The following OVCH1 variants were observed in gnomAD, a reference collection of about 807,000 sequenced individuals.
The protein encoded by OVCH1 is ovochymase-1.
In OVCH1, 139 loss-of-function variants were observed where a neutral mutation model predicts 138.4. The observed-to-expected ratio is 1.00, with a 90% confidence interval of 0.87 to 1.16. The LOEUF (loss-of-function observed/expected upper bound fraction) is 1.16. Ranked by LOEUF, OVCH1 falls within the 50% of genes most tolerant of loss-of-function variation. The pLI is 0.00. For synonymous variants in OVCH1, 453 were observed against 467.8 expected, an observed-to-expected ratio of 0.97 and a Z score of 0.41; for missense variants, 1,367 against 1,357.9, an observed-to-expected ratio of 1.01 and a Z score of -0.11.
chr12:29,446,238 G>T (rs1391826330), intron 22 of OVCH1, among the ~76,000 whole-genome samples: 11 of 152,044 alleles, frequency 7.2e-5, no homozygotes, highest in Non-Finnish European at 1.6e-4. Flanking sequence ...TCCATAGTAG[G>T]TTCTTCACAA....
chr12:29,494,282 G>T (rs1476531011), intron 4 of OVCH1, among the ~76,000 whole-genome samples: 1 of 152,082 alleles, frequency 6.6e-6, no homozygotes, highest in Non-Finnish European at 1.5e-5. Context: ...TAAGGGCAGT[G>T]GCCTGGCTAA....
exon 24 of OVCH1, chr12:29,444,251 A>G (rs780365079): frequency 1.9e-6 from 3 of 1,611,290 alleles, no homozygotes; most frequent in Admixed American, 1.7e-5. Flanking sequence ...GAACTTTGGG[A>G]AAGTCTGGTT....
chr12:29,417,760 A>AGTGTGT (rs55835508), intron 3 of OVCH1, among the ~76,000 whole-genome samples: 1 of 149,688 alleles, frequency 6.7e-6, no homozygotes, highest in African/African-American at 2.5e-5. Context: ...CTGGCCTACA[A>AGTGTGT]GTGTGTGTGT....
At chr12:29,432,129 T>C (rs990039639) in intron 27 of OVCH1, among the ~76,000 whole-genome samples, 2 of 152,164 alleles carry the variant, frequency 1.3e-5, no homozygotes, top group African/African-American at 4.8e-5. Flanking sequence ...CTGGGAAAAG[T>C]AGCAGGGGAA....
chr12:29,493,133 C>A (rs1211026038), intron 4 of OVCH1, among the ~76,000 whole-genome samples: 1 of 152,080 alleles, frequency 6.6e-6, no homozygotes, highest in South Asian at 2.1e-4. Context: ...ATTGACATAA[C>A]TAGTATAGAT....
At chr12:29,487,490 T>G (rs2136074761) in intron 7 of OVCH1, 1 of 463,468 alleles carries the variant, frequency 2.2e-6, no homozygotes, top group Non-Finnish European at 3.7e-6. Context: ...TCATGAAAAT[T>G]TTATACAGGG....
At chr12:29,494,871 G>A (rs369707384) in intron 4 of OVCH1, among the ~76,000 whole-genome samples, 1 of 152,138 alleles carries the variant, frequency 6.6e-6, no homozygotes, top group Middle Eastern at 3.2e-3. Context: ...TATACACTTA[G>A]AAGAGGTAAG....
At chr12:29,409,633 A>C (rs1457421460), downstream of OVCH1, among the ~76,000 whole-genome samples, 1 of 152,112 alleles carries the variant, frequency 6.6e-6, no homozygotes, top group Non-Finnish European at 1.5e-5. Context: ...TGAGTTTCTT[A>C]ATCCTGAGTT....
At chr12:29,447,264 T>A (rs910385847) in intron 22 of OVCH1, among the ~76,000 whole-genome samples, 6 of 152,034 alleles carry the variant, frequency 3.9e-5, no homozygotes, top group African/African-American at 1.4e-4. Context: ...GAGACCAGCC[T>A]GGGCAAAATA....
chr12:29,419,654 A>G (rs971833140), intron 3 of OVCH1, among the ~76,000 whole-genome samples: 1 of 152,102 alleles, frequency 6.6e-6, no homozygotes, highest in African/African-American at 2.4e-5. Flanking sequence ...GCATTATTAC[A>G]ATTATAATAA....
the OVCH1 span, among the ~76,000 whole-genome samples, chr12:29,406,178 A>G: frequency 6.8e-6 from 1 of 147,824 alleles, no homozygotes; most frequent in Non-Finnish European, 1.5e-5. Context: ...TTACATAGAA[A>G]TGAGACTTAC....
At chr12:29,473,182 C>A in intron 14 of OVCH1, 79 bp from the exon 15 acceptor site, 5 of 911,596 alleles carry the variant, frequency 5.5e-6, no homozygotes, top group Admixed American at 2.1e-5. Context: ...CCTGGTAAAT[C>A]ATAAAACTAC....
chr12:29,474,989 C>T, intron 14 of OVCH1, 72 bp downstream of exon 14: 2 of 1,481,228 alleles, frequency 1.4e-6, no homozygotes, highest in Non-Finnish European at 9.1e-7. Flanking sequence ...TTGAGGTAAA[C>T]ATGGCTAAAT....
chr12:29,488,909 C>T (rs1374970783), intron 6 of OVCH1, among the ~76,000 whole-genome samples: 1 of 152,146 alleles, frequency 6.6e-6, no homozygotes, highest in Non-Finnish European at 1.5e-5. Flanking sequence ...CAATCTCCTC[C>T]CTCCCAAACT....
At chr12:29,487,077 G>C (rs530806536) in intron 7 of OVCH1, 153 of 341,882 alleles carry the variant, frequency 4.5e-4, no homozygotes, top group African/African-American at 3.1e-3. Context: ...CCATGAGAAA[G>C]CGATGGAGGA....
the OVCH1 span, among the ~76,000 whole-genome samples, chr12:29,407,063 T>C: frequency 2.0e-5 from 3 of 152,154 alleles, no homozygotes; most frequent in African/African-American, 7.2e-5. Context: ...CCAGTGATGA[T>C]GAGTATTTTT....
At chr12:29,474,455 G>A (rs1942635465) in intron 14 of OVCH1, among the ~76,000 whole-genome samples, 1 of 152,172 alleles carries the variant, frequency 6.6e-6, no homozygotes, top group African/African-American at 2.4e-5. Flanking sequence ...GAAATGCTTA[G>A]TGAATACCTG....
chr12:29,421,773 T>G (rs1403033960), intron 3 of OVCH1, among the ~76,000 whole-genome samples: 1 of 152,158 alleles, frequency 6.6e-6, no homozygotes, highest in Non-Finnish European at 1.5e-5. Context: ...AGAGATGTTT[T>G]TAAGTATGAA....
At chr12:29,455,122 T>G (rs566775496) in intron 20 of OVCH1, 127 bp downstream of exon 20, 1 of 1,239,982 alleles carries the variant, frequency 8.1e-7, no homozygotes, top group African/African-American at 1.5e-5. Flanking sequence ...TTTTAGTGTG[T>G]TTAGTAACTA....
Sources: gnomAD v4.1 joint callset for allele counts (sites outside exome capture counted in the v4.1 genomes callset) on GRCh38, gnomAD v4.1.1 for gene constraint, MANE v1.5 for transcripts, NCBI Gene and HGNC (gene_info 2026-07-23, HGNC 2026-07-21) for gene names.